SIGLEC1: variants seen among roughly 807,000 people sequenced by gnomAD.
SIGLEC1 encodes the protein sialoadhesin.
SIGLEC1 carries 132 observed loss-of-function variants against 148.0 expected under a neutral mutation model. The observed-to-expected ratio is 0.89, with a 90% CI of 0.77 to 1.03. The LOEUF (loss-of-function observed/expected upper bound fraction) is 1.03. Among genes scored for constraint, SIGLEC1 ranks in the 50% least tolerant of loss-of-function variants. The probability of loss-of-function intolerance (pLI) is 0.00; values close to 1 mark genes in which losing one functional copy is unlikely to be tolerated. For missense variants in SIGLEC1, 2,253 were observed against 2,271.4 expected (o/e 0.99, Z 0.16); for synonymous variants, 945 against 969.0 (o/e 0.98, Z 0.46).
In SIGLEC1 at chr20:3,692,706, G is replaced by T; in HGVS notation, c.3845C>A (p.Ala1282Glu). 2 of 1,612,790 alleles carry T rather than the reference G, an allele frequency of 1.2e-6. No individual in the cohort carries two copies. The highest frequency in any genetic ancestry group is 1.7e-6 in the Non-Finnish European group (2 of 1,179,970). ...PEGAPITVTCADPAAHAPTLY... is the reference protein window; with the variant it reads ...PEGAPITVTCEDPAAHAPTLY... Reference sequence around the variant, plus strand: ...TGTGGGTGCGTGGGCAGCAGGGTCCGCACAGGTCACTGTGATGGGGGCACC... The same window carrying T: ...TGTGGGTGCGTGGGCAGCAGGGTCCTCACAGGTCACTGTGATGGGGGCACC... Residue 1282 changes from alanine (A) to glutamate (E), a missense_variant, in exon 16 of 22, where the codon GCG (alanine) becomes GAG (glutamate). By Grantham distance (107) the Ala-to-Glu change is moderately radical (BLOSUM62 -1). Coordinates refer to ENST00000344754, the MANE Select transcript of SIGLEC1 (RefSeq NM_023068.4).
In SIGLEC1 at chr20:3,701,384, A is replaced by G. The variant is rs761420721; in HGVS notation, c.1486T>C (p.Ser496Pro). ...SGEYKCSATNSLGNATSTLDF... is the reference protein window; with the variant it reads ...SGEYKCSATNPLGNATSTLDF... ...AGGGTGGAGGTTGCATTTCCAAGGG[A>G]GTTGGTGGCTGAGCACTTGTACTCC... Residue 496 changes from serine (S) to proline (P), a missense_variant, in exon 7 of 22, where the codon TCC (serine) becomes CCC (proline). Ser to Pro is a moderately conservative substitution (Grantham distance 74, BLOSUM62 -1). Coordinates refer to ENST00000344754, the MANE Select transcript of SIGLEC1 (RefSeq NM_023068.4). 1.2e-6 allele frequency: 2 copies of G among 1,613,794 alleles called. No individual in the cohort carries two copies. Among genetic ancestry groups the G allele is most frequent in the South Asian group, 2.2e-5 (2 of 91,056 alleles).
intron 16 of SIGLEC1, 96 bp from the exon 17 acceptor site, chr20:3,692,298 A>C (rs1490057188): frequency 7.8e-7 from 1 of 1,289,126 alleles, no homozygotes; most frequent in African/African-American, 1.5e-5. Flanking sequence ...AGGCCTCTGG[A>C]CCAATGGCCA....
In SIGLEC1 at chr20:3,687,455, G is replaced by C. The variant is rs2088710322; in HGVS notation, c.*1105C>G. On this transcript the variant is annotated 3_prime_UTR_variant, in exon 22 of 22. Transcript: ENST00000344754. ...GTAAGGGCCAGTAAGGTAGTACCCA[G>C]TCCCTGGGGGTAGGGGGGGTGGTGG... The C allele has an allele frequency of 6.6e-6, 1 of 152,256 alleles. No homozygotes were observed. The highest frequency in any genetic ancestry group is 1.9e-4 in the East Asian group (1 of 5,190). The allele number at this position is 152,256 out of a possible 1,614,324, so 9.4% of individuals were successfully genotyped here.
chr20:3,694,110 TG>T, intron 13 of SIGLEC1, 110 bp downstream of exon 13: 3 of 1,189,642 alleles, frequency 2.5e-6, no homozygotes, highest in Non-Finnish European at 3.5e-6. Context: ...AGGGTGGGAA[TG>T]GGGACTATTC....
rs1366045385 is a variant in SIGLEC1, at chr20:3,687,165, C to T, written c.*1395G>A. 6.6e-6 allele frequency: 1 copy of T among 152,248 alleles called. No homozygotes were observed. The highest frequency in any genetic ancestry group is 2.4e-5 in the African/African-American group (1 of 41,462). The allele number at this position is 152,248 out of a possible 1,614,324, so 9.4% of individuals were successfully genotyped here. ...ACTCCCCACTTCTCTCTCTGTTTTTCAACCCAAATCCTAGAGCAGAGGGCT... is the reference window on the plus strand; with the variant it reads ...ACTCCCCACTTCTCTCTCTGTTTTTTAACCCAAATCCTAGAGCAGAGGGCT... On this transcript the variant is annotated 3_prime_UTR_variant, in exon 22 of 22. Transcript: ENST00000344754.
chr20:3,688,386 C>T lies in SIGLEC1; in HGVS notation c.*174G>A. The T allele has an allele frequency of 1.5e-6, 1 of 672,916 alleles. No homozygotes were observed. Among genetic ancestry groups the T allele is most frequent in the Admixed American group, 2.1e-5 (1 of 48,156 alleles). 41.7% of individuals were successfully genotyped at this position (672,916 alleles called of 1,614,324 possible). On this transcript the variant is annotated 3_prime_UTR_variant, in exon 22 of 22. Coordinates refer to ENST00000344754, the MANE Select transcript of SIGLEC1 (RefSeq NM_023068.4). ...AACACCCTCCTGGGCAGACCTCTCA[C>T]CACCCATTTTTGGGGGGGCAAGAGG...
At chr20:3,707,411 G>A (rs1362151450) in intron 1 of SIGLEC1, among the ~76,000 whole-genome samples, 174 bp from the exon 2 acceptor site, 1 of 152,178 alleles carries the variant, frequency 6.6e-6, no homozygotes, top group Admixed American at 6.5e-5. Context: ...AAGCCTGTGT[G>A]TCCCTTGGCC....
Position 3,693,043 on chromosome 20 carries a change from C to A in SIGLEC1, c.3597G>T (p.Pro1199=). The stretch of plus-strand genomic sequence containing the variant: ...CGTGGCTGAGGGCCAGCTGGGCGGG[C>A]GGGCGGCTGTCCACAGTGCACAGTA... ...ALVLCTVDSR[P]PAQLALSHAG... Residue 1199 remains proline, a synonymous_variant, in exon 15 of 22, where the codon CCG becomes CCT. Coordinates refer to ENST00000344754, the MANE Select transcript of SIGLEC1 (RefSeq NM_023068.4). 1 of 1,608,418 alleles carries A rather than the reference C, an allele frequency of 6.2e-7. No homozygotes were observed. The highest frequency in any genetic ancestry group is 1.1e-5 in the South Asian group (1 of 90,898).
At position 3,696,782 on chromosome 20, in the gene SIGLEC1, C is replaced by G. The variant is rs766968273; in HGVS notation, c.2487G>C (p.Leu829Phe). The G allele has an allele frequency of 6.2e-7, 1 of 1,612,670 alleles. No homozygotes were observed. Among genetic ancestry groups the G allele is most frequent in the Non-Finnish European group, 8.5e-7 (1 of 1,179,648 alleles). Residue 829 changes from leucine to phenylalanine, a missense_variant, in exon 11 of 22, where the codon TTG becomes TTC. Physicochemically the swap from Leu to Phe is conservative, Grantham distance 22. Coordinates refer to ENST00000344754, the MANE Select transcript of SIGLEC1 (RefSeq NM_023068.4). ...TGGCCAGGAGGTGCTCCCCATGGAA[C>G]AAGGCCAGCAAGGCCAGGGGGCGGC... ...VDSRPLALLA[L>F]FHGEHLLATS... is the part of the protein sequence containing the mutation.
At chr20:3,697,027 C>A in intron 10 of SIGLEC1, 58 bp downstream of exon 10, 2 of 1,565,856 alleles carry the variant, frequency 1.3e-6, no homozygotes, top group South Asian at 1.1e-5. Flanking sequence ...GCCCCTGCTT[C>A]TCCCCAGACC....
rs1450889146 is a variant in SIGLEC1 at position 3,701,497 on chromosome 20, TC to T, written c.1372del (p.Asp458ThrfsTer70). The T allele has an allele frequency of 6.2e-7, 1 of 1,614,024 alleles. No homozygotes were observed. Among genetic ancestry groups the T allele is most frequent in the Non-Finnish European group, 8.5e-7 (1 of 1,180,024 alleles). ...GGHILASTSGDSDHSPRFSGT... is the reference protein window; with the variant it reads ...GGHILASTSGXSDHSPRFSGT... ...ACTGAAGCGTGGGCTGTGATCACTG[TC>T]CCCGGAGGTGGAGGCCAGGATATGA... On this transcript the variant is annotated frameshift_variant, in exon 7 of 22. Coordinates refer to ENST00000344754, the MANE Select transcript of SIGLEC1 (RefSeq NM_023068.4). LOFTEE classifies it high-confidence loss of function.
chr20:3,703,117 G>C (rs2087864358), intron 6 of SIGLEC1, 80 bp downstream of exon 6: 1 of 1,581,916 alleles, frequency 6.3e-7, no homozygotes, highest in African/African-American at 1.3e-5. Context: ...CCCATGCCCA[G>C]GACCCCAACC....
At chr20:3,705,048 A>G (rs1340794754) in intron 4 of SIGLEC1, among the ~76,000 whole-genome samples, 1 of 152,196 alleles carries the variant, frequency 6.6e-6, no homozygotes, top group Non-Finnish European at 1.5e-5. Context: ...CCCAGGCTGG[A>G]GTGCAGTGGC....
At chr20:3,699,480 T>C (rs1323339446) in intron 7 of SIGLEC1, 21 bp from the exon 8 acceptor site, 2 of 1,594,514 alleles carry the variant, frequency 1.3e-6, no homozygotes, top group Admixed American at 3.5e-5. Flanking sequence ...AGGAAGAGGC[T>C]GGGAAGGGTC....
rs1432192003 is a variant in SIGLEC1 at position 3,705,747 on chromosome 20, T to G, written c.703A>C (p.Lys235Gln). The G allele has an allele frequency of 1.2e-6, 2 of 1,603,468 alleles. No individual in the cohort carries two copies. The highest frequency in any genetic ancestry group is 1.7e-6 in the Non-Finnish European group (2 of 1,172,450). Residue 235 changes from lysine to glutamine, a missense_variant, in exon 4 of 22, where the codon AAG becomes CAG. By Grantham distance (53) the Lys-to-Gln change is moderately conservative. Coordinates refer to ENST00000344754, the MANE Select transcript of SIGLEC1 (RefSeq NM_023068.4). ...RAQSEIHLQV[K>Q]YAPKGVKILL... is the part of the protein sequence containing the mutation. Reference sequence around the variant, plus strand: ...GGTGTGTCCCCAGACAACTCACACTTCACTTGGAGGTGAATCTCGCTCTGA... The same window carrying G: ...GGTGTGTCCCCAGACAACTCACACTGCACTTGGAGGTGAATCTCGCTCTGA...
Position 3,699,262 on chromosome 20 carries a change from G to C in SIGLEC1, c.1726C>G (p.Arg576Gly), listed in dbSNP as rs200998095. 6 of 1,609,888 alleles carry C rather than the reference G, an allele frequency of 3.7e-6. No homozygotes were observed. The South Asian group carries it at 5.5e-5, about 15-fold the overall frequency. The change falls in exon 8 of 22, where the codon CGG becomes GGG. Residue 576 changes from arginine (R) to glycine (G), a missense_variant. Coordinates refer to ENST00000344754, the MANE Select transcript of SIGLEC1 (RefSeq NM_023068.4). ...SSTDAGSYHC[R>G]ARDGHSASGP... is the part of the protein sequence containing the mutation. The stretch of plus-strand genomic sequence containing the variant: ...CTGGCACTGTGGCCGTCCCGGGCCC[G>C]GCAGTGGTATGAGCCGGCGTCAGTG...
chr20:3,688,464 C>T lies in SIGLEC1; in HGVS notation c.*96G>A, dbSNP rs191374896. The T allele has an allele frequency of 2.2e-4, 230 of 1,041,472 alleles. No individual in the cohort carries two copies. The East Asian group carries it at 4.6e-3, about 21-fold the overall frequency. The allele number at this position is 1,041,472 out of a possible 1,614,324, so 64.5% of individuals were successfully genotyped here. A position where few individuals can be genotyped will look rare whatever the true frequency, so the allele number is the denominator to read the frequency against. ...TGTCACAGAGCTGTTTTCGTAGAGG[C>T]GGGCAGGACTCAACACTGCCTCATT... is the stretch of plus-strand genomic sequence containing the variant. On this transcript the variant is annotated 3_prime_UTR_variant, in exon 22 of 22. Coordinates refer to ENST00000344754, the MANE Select transcript of SIGLEC1 (RefSeq NM_023068.4).
At chr20:3,699,152 G>C (rs777904772) in intron 8 of SIGLEC1, 50 bp downstream of exon 8, 3 of 1,589,142 alleles carry the variant, frequency 1.9e-6, no homozygotes, top group South Asian at 2.3e-5. Context: ...GAGGAGGTGG[G>C]GTGGCTGGTG....
intron 21 of SIGLEC1, chr20:3,688,953 C>T (rs990809046): frequency 1.6e-5 from 10 of 615,364 alleles, no homozygotes; most frequent in Non-Finnish European, 2.9e-5. Context: ...CTAAGCCAGC[C>T]GCCAGCTGAC....
Sources: allele counts gnomAD v4.1 joint callset (sites outside exome capture counted in the v4.1 genomes callset), GRCh38; gene constraint gnomAD v4.1.1; transcripts MANE v1.5; gene names NCBI Gene and HGNC (gene_info 2026-07-23, HGNC 2026-07-21).